ACAN: variants seen among roughly 807,000 people sequenced by gnomAD.
ACAN encodes aggrecan.
Under a neutral mutation model 169.1 loss-of-function variants are expected in ACAN, and 47 were observed. The ratio of observed to expected loss-of-function variants is 0.28; its 90% CI spans 0.22 to 0.35. The LOEUF (loss-of-function observed/expected upper bound fraction) is 0.35. ACAN is among the 10% of genes least tolerant of loss of function. The pLI is 1.00. For missense variants in ACAN, 2,716 were observed against 2,759.9 expected (o/e 0.98, Z 0.36); for synonymous variants, 1,115 against 1,112.2 (o/e 1.00, Z -0.05).
In ACAN at chr15:88,871,447, C is replaced by T. The variant is rs1013531754; in HGVS notation, c.7126C>T (p.Arg2376Cys). ...QGHCYRHFPD[R>C]ETWVDAERRC... Reference sequence around the variant, plus strand: ...CCACTGTTACCGCCACTTCCCGGACCGCGAGACCTGGGTGGATGCTGAGCG... The same window carrying T: ...CCACTGTTACCGCCACTTCCCGGACTGCGAGACCTGGGTGGATGCTGAGCG... Residue 2376 changes from arginine to cysteine, a missense_variant, in exon 15 of 19, where the codon CGC (arginine) becomes TGC (cysteine). By Grantham distance (180) the Arg-to-Cys change is radical (BLOSUM62 -3). Around this residue, in one of 3 missense-constraint regions of ACAN, gnomAD observed 1,389 missense variants for 1,363.7 expected, o/e 1.02. Coordinates refer to ENST00000560601, the MANE Select transcript of ACAN (RefSeq NM_001369268.1). The surrounding 1 kb of genome is among the most constrained non-coding windows in gnomAD (Gnocchi z 7.8). 1.2e-6 allele frequency: 2 copies of T among 1,613,960 alleles called. No individual in the cohort carries two copies. The highest frequency in any genetic ancestry group is 1.7e-6 in the Non-Finnish European group (2 of 1,179,894).
chr15:88,868,371 A>G lies in ACAN; in HGVS notation c.7060+42A>G, dbSNP rs1201828319. On this transcript the variant is annotated intron_variant, in intron 14 of 18. Coordinates refer to ENST00000560601, the MANE Select transcript of ACAN (RefSeq NM_001369268.1). The surrounding 1 kb of genome is among the most constrained non-coding windows in gnomAD (Gnocchi z 5.2). ...TTCAGCTAATGTTACTAACTGCTGC[A>G]CCCCCTCCTCCTCCCTCACCTTTCC... The G allele has an allele frequency of 2.9e-6, 2 of 694,434 alleles. No individual in the cohort carries two copies. Among genetic ancestry groups the G allele is most frequent in the Non-Finnish European group, 5.3e-6 (2 of 380,098 alleles). 43.0% of individuals were successfully genotyped at this position (694,434 alleles called of 1,614,324 possible). A position where few individuals can be genotyped will look rare whatever the true frequency, so the allele number is the denominator to read the frequency against.
intron 1 of ACAN, among the ~76,000 whole-genome samples, chr15:88,834,344 G>A (rs1157673547): frequency 6.6e-6 from 1 of 152,180 alleles, no homozygotes; most frequent in Non-Finnish European, 1.5e-5. Flanking sequence ...CAGGAAGAAA[G>A]GGTCACTCGG....
rs865887198 is a variant in ACAN at position 88,823,915 on chromosome 15, C to A, written c.-7-12285C>A. 3.9e-5 allele frequency among the ~76,000 whole-genome samples: 6 copies of A among 152,064 alleles called. No individual in the cohort carries two copies. In the East Asian group the frequency reaches 1.2e-3, roughly 29 times the overall value. On this transcript the variant is annotated intron_variant, in intron 1 of 18. Transcript: ENST00000560601. ...TGGGCCGTGTGTGCACTCCCGGCTA[C>A]CCCTGACAGCTCTACTCAGAGCTAC...
At chr15:88,810,669 G>C (rs1234207759) in intron 1 of ACAN, among the ~76,000 whole-genome samples, 2 of 152,180 alleles carry the variant, frequency 1.3e-5, no homozygotes, top group African/African-American at 4.8e-5. Flanking sequence ...ACACTGAAAA[G>C]GAGGCCTGGA....
chr15:88,818,127 C>T (rs1895988519), intron 1 of ACAN, among the ~76,000 whole-genome samples: 1 of 152,168 alleles, frequency 6.6e-6, no homozygotes, highest in Non-Finnish European at 1.5e-5. Context: ...AGGCTCTCTA[C>T]CAGAGACAGG....
Position 88,873,758 on chromosome 15 carries a change from C to T in ACAN, c.7448-84C>T. On this transcript the variant is annotated intron_variant, in intron 17 of 18. Coordinates refer to ENST00000560601, the MANE Select transcript of ACAN (RefSeq NM_001369268.1). This position sits in a 1 kb window ranked among gnomAD's most constrained non-coding sequence, Gnocchi z 7.5. ...CACTGTCAGATGTTGAGGCTGTGTCCCCCACAGTGCCTCGGGTCACAACCA... is the reference window on the plus strand; with the variant it reads ...CACTGTCAGATGTTGAGGCTGTGTCTCCCACAGTGCCTCGGGTCACAACCA... The T allele has an allele frequency of 1.4e-6, 2 of 1,427,998 alleles. No individual in the cohort carries two copies. Among genetic ancestry groups the T allele is most frequent in the Non-Finnish European group, 1.9e-6 (2 of 1,041,208 alleles). The allele number at this position is 1,427,998 out of a possible 1,614,324, so 88.5% of individuals were successfully genotyped here.
Position 88,866,368 on chromosome 15 carries a change from T to C in ACAN, c.6947-1848T>C, listed in dbSNP as rs988257948. On this transcript the variant is annotated intron_variant, in intron 13 of 18. Transcript: ENST00000560601. The surrounding 1 kb of genome is among the most constrained non-coding windows in gnomAD (Gnocchi z 5.6). ...TTCCCATCTCCCATAATGACGCTAA[T>C]GGATAAAAGAGAACAGGCAGGAGAG... Among the ~76,000 whole-genome samples, 5 of 152,132 alleles carry C rather than the reference T, an allele frequency of 3.3e-5. No homozygotes were observed. Among genetic ancestry groups the C allele is most frequent in the African/African-American group, 1.2e-4 (5 of 41,430 alleles).
chr15:88,849,770 C>G lies in ACAN; in HGVS notation c.2026+39C>G. ...CTTCGGCTCCAACAGCCCCTTTTGT[C>G]TGGAGAGGACCCCACTGGGTTCACC... On this transcript the variant is annotated intron_variant, in intron 10 of 18. Transcript: ENST00000560601. The surrounding 1 kb of genome is among the most constrained non-coding windows in gnomAD (Gnocchi z 5.1). 6.2e-7 allele frequency: 1 copy of G among 1,603,422 alleles called. No homozygotes were observed. Among genetic ancestry groups the G allele is most frequent in the Non-Finnish European group, 8.5e-7 (1 of 1,175,168 alleles).
chr15:88,871,899 C>G lies in ACAN; in HGVS notation c.7220-104C>G. The G allele has an allele frequency of 9.4e-7, 1 of 1,060,178 alleles. No homozygotes were observed. The highest frequency in any genetic ancestry group is 1.5e-6 in the Non-Finnish European group (1 of 681,584). 65.7% of individuals were successfully genotyped at this position (1,060,178 alleles called of 1,614,324 possible). A position where few individuals can be genotyped will look rare whatever the true frequency, so the allele number is the denominator to read the frequency against. Reference sequence around the variant, plus strand: ...ACGTGCCTTGCTCCTAGGAGCCCACCCACCTCCTTTCCTCCTCCATCCCCT... The same window carrying G: ...ACGTGCCTTGCTCCTAGGAGCCCACGCACCTCCTTTCCTCCTCCATCCCCT... On this transcript the variant is annotated intron_variant, in intron 15 of 18. Coordinates refer to ENST00000560601, the MANE Select transcript of ACAN (RefSeq NM_001369268.1). This position sits in a 1 kb window ranked among gnomAD's most constrained non-coding sequence, Gnocchi z 7.8.
intron 8 of ACAN, 147 bp from the exon 9 acceptor site, chr15:88,847,764 C>A: frequency 9.2e-7 from 1 of 1,081,304 alleles, no homozygotes; most frequent in Non-Finnish European, 1.3e-6. Flanking sequence ...GAACTTGCTG[C>A]ATAAGGGGCT....
Position 88,843,072 on chromosome 15 carries a change from T to C in ACAN, c.758-283T>C, listed in dbSNP as rs1455521569. ...GGGGCAAAGAGGCTTTTGAGCAGAA[T>C]TTTCCTCCCAGATTTCAAGTTTGCT... On this transcript the variant is annotated intron_variant, in intron 5 of 18. Transcript: ENST00000560601. The surrounding 1 kb of genome is among the most constrained non-coding windows in gnomAD (Gnocchi z 4.0). 6.6e-6 allele frequency among the ~76,000 whole-genome samples: 1 copy of C among 152,168 alleles called. No individual in the cohort carries two copies. Among genetic ancestry groups the C allele is most frequent in the African/African-American group, 2.4e-5 (1 of 41,430 alleles).
chr15:88,865,370 C>T (rs147095502), intron 13 of ACAN, among the ~76,000 whole-genome samples: 457 of 152,344 alleles, frequency 3.0e-3, no homozygotes, highest in Non-Finnish European at 5.6e-3. Context: ...ATCTCTTCCA[C>T]TCTGTCTCCC....
chr15:88,844,468 G>A (rs1052336532), intron 6 of ACAN, among the ~76,000 whole-genome samples: 3 of 152,016 alleles, frequency 2.0e-5, no homozygotes, highest in Non-Finnish European at 4.4e-5. Context: ...CCATCTCCCA[G>A]GTTCAAACGA....
At chr15:88,810,067 G>A (rs546482160) in intron 1 of ACAN, among the ~76,000 whole-genome samples, 15 of 152,254 alleles carry the variant, frequency 9.9e-5, no homozygotes, top group East Asian at 5.8e-4. Flanking sequence ...TCACCACAGC[G>A]TCTTCTTCAT....
chr15:88,824,824 A>G (rs1156394239), intron 1 of ACAN, among the ~76,000 whole-genome samples: 1 of 151,920 alleles, frequency 6.6e-6, no homozygotes, highest in Non-Finnish European at 1.5e-5. Context: ...GGTTGCAGTG[A>G]GCCAAGATCT....
Position 88,838,697 on chromosome 15 carries a change from A to G in ACAN, c.105A>G (p.Gln35=). The G allele has an allele frequency of 6.2e-7, 1 of 1,600,400 alleles. No homozygotes were observed. The highest frequency in any genetic ancestry group is 1.1e-5 in the South Asian group (1 of 88,556). ...HDNSLSVSIP[Q]PSPLRVLLGT... is the part of the protein sequence containing the mutation. ...ACTCGCTGAGTGTCAGCATCCCCCAACCGTCCCCGCTGAGGGTCCTCCTGG... is the reference window on the plus strand; with the variant it reads ...ACTCGCTGAGTGTCAGCATCCCCCAGCCGTCCCCGCTGAGGGTCCTCCTGG... Residue 35 remains glutamine (Q), a synonymous_variant, in exon 3 of 19, where the codon CAA becomes CAG. Transcript: ENST00000560601. This position sits in a 1 kb window ranked among gnomAD's most constrained non-coding sequence, Gnocchi z 5.1.
Position 88,849,763 on chromosome 15 carries a change from C to T in ACAN, c.2026+32C>T, listed in dbSNP as rs768124535. 3.1e-6 allele frequency: 5 copies of T among 1,608,266 alleles called. No homozygotes were observed. In the Admixed American group the frequency reaches 8.4e-5, roughly 27 times the overall value. On this transcript the variant is annotated intron_variant, in intron 10 of 18. Transcript: ENST00000560601. The surrounding 1 kb of genome is among the most constrained non-coding windows in gnomAD (Gnocchi z 5.1). ...AGCCTCACTTCGGCTCCAACAGCCC[C>T]TTTTGTCTGGAGAGGACCCCACTGG...
rs373470699 is a variant in ACAN at position 88,872,958 on chromosome 15, C to T, written c.7380C>T (p.His2460=). 5.9e-5 allele frequency: 95 copies of T among 1,613,696 alleles called. No homozygotes were observed. Among genetic ancestry groups the T allele is most frequent in the African/African-American group, 4.3e-4 (32 of 74,882 alleles). ...AGGACTGTGTGGTGATGATCTGGCA[C>T]GAGAAGGGCGAGTGGAATGATGTTC... is the stretch of plus-strand genomic sequence containing the variant. ...AGEDCVVMIW[H]EKGEWNDVPC... Residue 2460 remains histidine (H), a synonymous_variant, in exon 17 of 19, where the codon CAC becomes CAT. Coordinates refer to ENST00000560601, the MANE Select transcript of ACAN (RefSeq NM_001369268.1). This position sits in a 1 kb window ranked among gnomAD's most constrained non-coding sequence, Gnocchi z 5.4.
Position 88,805,575 on chromosome 15 carries a change from G to A in ACAN, c.-8+1766G>A, listed in dbSNP as rs139960301. Among the ~76,000 whole-genome samples, 309 of 152,234 alleles carry A rather than the reference G, an allele frequency of 2.0e-3. 2 individuals are homozygous for A. Among genetic ancestry groups the A allele is most frequent in the Admixed American group, 5.8e-3 (88 of 15,288 alleles). Reference sequence around the variant, plus strand: ...ATTCATTCTCCAATATCTGCTGAGCGCCACCTAGGTGCCAGGCTCTGTGCT... The same window carrying A: ...ATTCATTCTCCAATATCTGCTGAGCACCACCTAGGTGCCAGGCTCTGTGCT... On this transcript the variant is annotated intron_variant, in intron 1 of 18. Coordinates refer to ENST00000560601, the MANE Select transcript of ACAN (RefSeq NM_001369268.1).
Sources: allele counts gnomAD v4.1 joint callset (sites outside exome capture counted in the v4.1 genomes callset), GRCh38; gene constraint gnomAD v4.1.1; regional missense constraint gnomAD v4.1.1; non-coding constraint Gnocchi (gnomAD v3.1); transcripts MANE v1.5; gene names NCBI Gene and HGNC (gene_info 2026-07-23, HGNC 2026-07-21).